NPAS3: variants seen among roughly 807,000 people sequenced by gnomAD.
NPAS3 encodes the protein neuronal PAS domain protein 3.
In NPAS3, 14 loss-of-function variants were observed where a neutral mutation model predicts 73.1. That is an observed-to-expected ratio of 0.19 (90% CI 0.13 to 0.30). The LOEUF (loss-of-function observed/expected upper bound fraction) is 0.30. NPAS3 is among the 10% of genes least tolerant of loss of function. The pLI is 1.00. For missense variants in NPAS3, 1,096 were observed against 1,250.0 expected (o/e 0.88, Z 1.86); for synonymous variants, 620 against 541.5 (o/e 1.14, Z -2.01).
intron 1 of NPAS3, among the ~76,000 whole-genome samples, chr14:32,974,560 C>T (rs60739876): frequency 6.6e-6 from 1 of 151,218 alleles, no homozygotes; most frequent in Non-Finnish European, 1.5e-5. Context: ...ATTTTTTTTT[C>T]AAATAATTAG....
chr14:33,256,792 G>T (rs1476777315), intron 3 of NPAS3, among the ~76,000 whole-genome samples: 5 of 152,040 alleles, frequency 3.3e-5, no homozygotes, highest in African/African-American at 1.2e-4. Flanking sequence ...TAATCTTAAT[G>T]TCAATATTGT....
chr14:33,648,681 G>A (rs2058904422), intron 5 of NPAS3, among the ~76,000 whole-genome samples: 2 of 152,164 alleles, frequency 1.3e-5, no homozygotes, highest in African/African-American at 4.8e-5. Flanking sequence ...CGTGTGTGAA[G>A]CCAGGCTCAG....
At chr14:33,773,373 C>T (rs1018758148) in intron 7 of NPAS3, among the ~76,000 whole-genome samples, 1 of 152,166 alleles carries the variant, frequency 6.6e-6, no homozygotes, top group African/African-American at 2.4e-5. Context: ...ATAGCAGAGT[C>T]GTGGGAACAC....
chr14:33,506,747 A>G lies in NPAS3; in HGVS notation c.469-53374A>G, dbSNP rs147335205. 2.7e-3 allele frequency among the ~76,000 whole-genome samples: 416 copies of G among 152,174 alleles called. 4 individuals are homozygous for G. Among genetic ancestry groups the G allele is most frequent in the African/African-American group, 9.5e-3 (395 of 41,552 alleles). On this transcript the variant is annotated intron_variant, in intron 4 of 11. Coordinates refer to ENST00000356141, the Ensembl canonical transcript of NPAS3. ...ATATTTATTGACTATCTTGTTGTGC[A>G]TATCACAAGGGAATAAAAATTCAGG...
intron 2 of NPAS3, among the ~76,000 whole-genome samples, chr14:33,131,718 A>G (rs1447753041): frequency 1.3e-5 from 2 of 152,204 alleles, no homozygotes. Flanking sequence ...AATGTAAGTT[A>G]GTCTGCCAAT....
chr14:32,984,757 C>T (rs532191410), intron 1 of NPAS3, among the ~76,000 whole-genome samples: 4 of 152,088 alleles, frequency 2.6e-5, no homozygotes, highest in Non-Finnish European at 5.9e-5. Context: ...ACAGAAGCTC[C>T]ATTTTCTTTT....
chr14:33,501,138 T>C (rs544400297), intron 4 of NPAS3, among the ~76,000 whole-genome samples: 68 of 151,968 alleles, frequency 4.5e-4, no homozygotes, highest in Non-Finnish European at 9.0e-4. Context: ...AGAAATGATA[T>C]AAATTAGAGT....
chr14:33,051,301 A>G (rs2040703265), intron 1 of NPAS3, among the ~76,000 whole-genome samples: 1 of 148,910 alleles, frequency 6.7e-6, no homozygotes, highest in Non-Finnish European at 1.5e-5. Flanking sequence ...AAAAAAAGAG[A>G]GACTAAAGAA....
intron 3 of NPAS3, among the ~76,000 whole-genome samples, chr14:33,338,470 G>A (rs985797478): frequency 6.6e-6 from 1 of 152,078 alleles, no homozygotes; most frequent in Non-Finnish European, 1.5e-5. Context: ...GTTGATTACG[G>A]CACATTTGTC....
chr14:33,147,730 A>AAAAAAAAAATATATATATAT (rs372663411), intron 2 of NPAS3, among the ~76,000 whole-genome samples: 4 of 130,364 alleles, frequency 3.1e-5, no homozygotes, highest in African/African-American at 1.3e-4. Flanking sequence ...TAGAATAAAA[A>AAAAAAAAAATATATATATAT]ATATATATAT....
chr14:33,378,215 C>T (rs2046388150), intron 4 of NPAS3, among the ~76,000 whole-genome samples: 1 of 152,162 alleles, frequency 6.6e-6, no homozygotes, highest in South Asian at 2.1e-4. Flanking sequence ...ACACTGTACA[C>T]AGTATTAGCT....
chr14:33,177,122 G>T lies in NPAS3; in HGVS notation c.141-38060G>T, dbSNP rs550447080. ...TATTATTATTATTATCTTTGAGACAGAGTCTTGCTCTGTTGCCAGGCTGGA... is the reference window on the plus strand; with the variant it reads ...TATTATTATTATTATCTTTGAGACATAGTCTTGCTCTGTTGCCAGGCTGGA... On this transcript the variant is annotated intron_variant, in intron 2 of 11. Transcript: ENST00000356141. Among the ~76,000 whole-genome samples the T allele has an allele frequency of 3.4e-4, 38 of 110,848 alleles. No homozygotes were observed. The South Asian group carries it at 8.8e-3, about 26-fold the overall frequency. The allele number at this position is 110,848 out of a possible 152,430, so 72.7% of individuals were successfully genotyped here.
At chr14:33,226,087 G>GA (rs1566698417) in intron 3 of NPAS3, among the ~76,000 whole-genome samples, 2 of 152,214 alleles carry the variant, frequency 1.3e-5, no homozygotes, top group Admixed American at 1.3e-4. Context: ...GTATGTCACC[G>GA]AAAAAATTAA....
chr14:33,799,747 C>G, exon 12 of NPAS3: 1 of 1,573,176 alleles, frequency 6.4e-7, no homozygotes. Context: ...ACAACGAGAA[C>G]TCCAAGTCCG....
At chr14:33,393,171 T>C (rs1204270301) in intron 4 of NPAS3, among the ~76,000 whole-genome samples, 1 of 152,206 alleles carries the variant, frequency 6.6e-6, no homozygotes. Flanking sequence ...TAATGGCTAA[T>C]TAGCAGGATA....
At chr14:33,340,013 T>C (rs2140306953) in intron 3 of NPAS3, among the ~76,000 whole-genome samples, 1 of 152,344 alleles carries the variant, frequency 6.6e-6, no homozygotes, top group Non-Finnish European at 1.5e-5. Flanking sequence ...TTCCATCTGA[T>C]GGTTGGACTG....
intron 5 of NPAS3, among the ~76,000 whole-genome samples, chr14:33,672,580 T>G (rs1460581372): frequency 6.6e-6 from 1 of 152,146 alleles, no homozygotes; most frequent in Admixed American, 6.5e-5. Context: ...CATGAAGTAA[T>G]GTCTGTTCAT....
At chr14:33,071,126 T>G (rs1010895096) in intron 2 of NPAS3, among the ~76,000 whole-genome samples, 3 of 152,170 alleles carry the variant, frequency 2.0e-5, no homozygotes, top group African/African-American at 7.2e-5. Flanking sequence ...ACCTGATTTG[T>G]CAAGTGATTC....
intron 3 of NPAS3, among the ~76,000 whole-genome samples, chr14:33,223,805 A>G (rs966590386): frequency 6.6e-6 from 1 of 151,608 alleles, no homozygotes; most frequent in Non-Finnish European, 1.5e-5. Context: ...GAGGTACCAT[A>G]TCTCCCTTCT....
Sources: allele counts gnomAD v4.1 joint callset (sites outside exome capture counted in the v4.1 genomes callset), GRCh38; gene constraint gnomAD v4.1.1; transcripts MANE v1.5; gene names NCBI Gene and HGNC (gene_info 2026-07-23, HGNC 2026-07-21).